KIAA1328: variants seen among roughly 807,000 people sequenced by gnomAD.
KIAA1328 encodes the protein KIAA1328.
In KIAA1328, 52 loss-of-function variants were observed where a neutral mutation model predicts 68.1. The observed-to-expected ratio is 0.76, with a 90% CI of 0.61 to 0.96. The LOEUF (loss-of-function observed/expected upper bound fraction) is 0.96, where lower values mean the gene tolerates loss of function less well. Ranked by LOEUF, KIAA1328 falls within the 40% of genes least tolerant of loss-of-function variation. The pLI is 0.00. For missense variants in KIAA1328, 641 were observed against 677.6 expected (o/e 0.95, Z 0.60); for synonymous variants, 232 against 239.4 (o/e 0.97, Z 0.28).
intron 5 of KIAA1328, among the ~76,000 whole-genome samples, chr18:36,954,045 G>C (rs1045709080): frequency 8.9e-5 from 13 of 146,664 alleles, no homozygotes; most frequent in Admixed American, 4.3e-4. Context: ...GCCCAGGCCG[G>C]ACTGCGGACT....
chr18:37,102,751 A>G (rs1446255956), intron 7 of KIAA1328, among the ~76,000 whole-genome samples: 1 of 152,232 alleles, frequency 6.6e-6, no homozygotes, highest in East Asian at 1.9e-4. Flanking sequence ...AGAGAAAGAA[A>G]GAAAATGTAT....
rs751827847 is a variant in KIAA1328 at position 36,844,195 on chromosome 18, T to A, written c.238-13T>A. 6.4e-7 allele frequency: 1 copy of A among 1,558,870 alleles called. No individual in the cohort carries two copies. The highest frequency in any genetic ancestry group is 1.2e-5 in the South Asian group (1 of 82,270). Reference sequence around the variant, plus strand: ...GTTTTAGAAAAAGTGTAACTAAATTTTTTTTTTTTAAGAATTCCTGCAGGG... The same window carrying A: ...GTTTTAGAAAAAGTGTAACTAAATTATTTTTTTTTAAGAATTCCTGCAGGG... On this transcript the variant is annotated splice_polypyrimidine_tract_variant and intron_variant, in intron 3 of 9. Coordinates refer to ENST00000280020, the MANE Select transcript of KIAA1328 (RefSeq NM_020776.3).
Position 37,222,042 on chromosome 18 carries a change from G to T in KIAA1328, c.1549G>T (p.Val517Phe), listed in dbSNP as rs1209770759. 1.2e-6 allele frequency: 2 copies of T among 1,613,404 alleles called. No individual in the cohort carries two copies. The highest frequency in any genetic ancestry group is 2.7e-5 in the African/African-American group (2 of 74,882). Residue 517 changes from valine to phenylalanine, a missense_variant, in exon 10 of 10, where the codon GTT (valine) becomes TTT (phenylalanine). Physicochemically the swap from Val to Phe is conservative, Grantham distance 50. Coordinates refer to ENST00000280020, the MANE Select transcript of KIAA1328 (RefSeq NM_020776.3). ...SRYETSLLDL[V>F]QSLSPNSAPK... ...GTATGAGACATCTTTGTTGGATTTG[G>T]TTCAGTCTCTGAGCCCAAACTCTGC...
chr18:37,121,452 A>ATCTG (rs2058268254), intron 7 of KIAA1328, among the ~76,000 whole-genome samples: 1 of 151,774 alleles, frequency 6.6e-6, no homozygotes, highest in South Asian at 2.1e-4. Flanking sequence ...CTATCTATCT[A>ATCTG]TCTATCTATG....
At chr18:37,097,106 T>C (rs2057435316) in intron 7 of KIAA1328, among the ~76,000 whole-genome samples, 1 of 152,228 alleles carries the variant, frequency 6.6e-6, no homozygotes, top group African/African-American at 2.4e-5. Context: ...ATTTTGGCTT[T>C]TGTTGCCATT....
intron 6 of KIAA1328, among the ~76,000 whole-genome samples, chr18:37,047,288 TG>T (rs1354957813): frequency 2.0e-5 from 3 of 152,222 alleles, no homozygotes; most frequent in African/African-American, 7.2e-5. Context: ...GTAAACTTCG[TG>T]TTTTGATTCC....
intron 5 of KIAA1328, chr18:36,924,786 A>G (rs886550487): frequency 6.6e-6 from 1 of 152,228 alleles, no homozygotes; most frequent in Non-Finnish European, 1.5e-5. Flanking sequence ...AAAATGAGTA[A>G]CTAGAGAAAA....
intron 7 of KIAA1328, among the ~76,000 whole-genome samples, chr18:37,147,490 C>A (rs530595029): frequency 1.3e-5 from 2 of 152,180 alleles, no homozygotes; most frequent in East Asian, 3.9e-4. Context: ...TTGCCCACAT[C>A]TGCAATGTAG....
At chr18:37,111,935 G>A (rs2057943549) in intron 7 of KIAA1328, among the ~76,000 whole-genome samples, 1 of 152,200 alleles carries the variant, frequency 6.6e-6, no homozygotes. Flanking sequence ...TAGCAGACCA[G>A]TCTGAGTTCA....
chr18:36,858,952 A>G (rs914446197), intron 4 of KIAA1328, among the ~76,000 whole-genome samples: 2 of 152,124 alleles, frequency 1.3e-5, no homozygotes, highest in Admixed American at 1.3e-4. Context: ...TTAATTTTTT[A>G]TATGACTTTC....
In KIAA1328 at chr18:37,022,888, G is replaced by A. The variant is rs2054401952; in HGVS notation, c.577-44002G>A. Among the ~76,000 whole-genome samples, 4 of 152,234 alleles carry A rather than the reference G, an allele frequency of 2.6e-5. No individual in the cohort carries two copies. In the South Asian group the frequency reaches 8.3e-4, roughly 32 times the overall value. On this transcript the variant is annotated intron_variant, in intron 6 of 9. Transcript: ENST00000280020. Reference sequence around the variant, plus strand: ...GCCATCACACATTCTGTTGGCTTTAGGATAGAGTTTCCTTAGTCCCTCAGG... The same window carrying A: ...GCCATCACACATTCTGTTGGCTTTAAGATAGAGTTTCCTTAGTCCCTCAGG...
intron 5 of KIAA1328, among the ~76,000 whole-genome samples, chr18:36,917,226 A>T (rs2049740824): frequency 6.6e-6 from 1 of 152,038 alleles, no homozygotes; most frequent in African/African-American, 2.4e-5. Flanking sequence ...GACAGTTTAT[A>T]TTCTGTTGTA....
At chr18:37,112,939 T>A (rs1005635477) in intron 7 of KIAA1328, among the ~76,000 whole-genome samples, 1 of 151,680 alleles carries the variant, frequency 6.6e-6, no homozygotes, top group African/African-American at 2.4e-5. Flanking sequence ...TGAAATGAAG[T>A]GAGAAGAGAA....
Position 37,223,183 on chromosome 18 carries a change from C to T in KIAA1328, c.*956C>T. 1.0e-6 allele frequency: 1 copy of T among 985,054 alleles called. No individual in the cohort carries two copies. The highest frequency in any genetic ancestry group is 1.2e-6 in the Non-Finnish European group (1 of 829,924). 61.0% of individuals were successfully genotyped at this position (985,054 alleles called of 1,614,324 possible). On this transcript the variant is annotated 3_prime_UTR_variant, in exon 10 of 10. Transcript: ENST00000280020. ...CTTCCTCTGGCCCTCCCTTTTCCTC[C>T]ACGAGGATTAAAGGATACAAGCTGA... is the stretch of plus-strand genomic sequence containing the variant.
intron 2 of KIAA1328, 47 bp downstream of exon 2, chr18:36,834,402 A>C (rs1449270332): frequency 1.4e-6 from 2 of 1,474,192 alleles, no homozygotes; most frequent in Non-Finnish European, 1.8e-6. Context: ...TTGGTCCTTA[A>C]ATGTTAGAAG....
intron 6 of KIAA1328, among the ~76,000 whole-genome samples, chr18:36,981,662 G>A (rs967047072): frequency 1.4e-4 from 22 of 151,962 alleles, no homozygotes; most frequent in Admixed American, 2.6e-4. Flanking sequence ...ACATGGCTCC[G>A]TGCAGCCTCT....
chr18:37,092,724 A>G (rs550046330), intron 7 of KIAA1328, among the ~76,000 whole-genome samples: 25 of 152,298 alleles, frequency 1.6e-4, no homozygotes, highest in Non-Finnish European at 3.2e-4. Context: ...TGCTCAGCCC[A>G]TCACTGACAC....
intron 6 of KIAA1328, among the ~76,000 whole-genome samples, chr18:37,029,724 G>C (rs1222183582): frequency 1.3e-5 from 2 of 152,256 alleles, no homozygotes; most frequent in Non-Finnish European, 2.9e-5. Context: ...TGGGATGAGG[G>C]TAATTCTGGC....
intron 9 of KIAA1328, among the ~76,000 whole-genome samples, chr18:37,201,727 C>G (rs2060118096): frequency 6.6e-6 from 1 of 152,178 alleles, no homozygotes; most frequent in Admixed American, 6.5e-5. Context: ...CAGACTGTGC[C>G]TGTAATACAT....
Sources: allele counts gnomAD v4.1 joint callset (sites outside exome capture counted in the v4.1 genomes callset), GRCh38; gene constraint gnomAD v4.1.1; transcripts MANE v1.5; gene names NCBI Gene and HGNC (gene_info 2026-07-23, HGNC 2026-07-21).